Variants in COL24A1 observed in about 807,000 individuals in gnomAD.
The protein encoded by COL24A1 is collagen type XXIV alpha 1 chain, also known as collagen alpha-1(XXIV) chain.
In COL24A1, 224 loss-of-function variants were observed where a neutral mutation model predicts 253.9. The ratio of observed to expected loss-of-function variants is 0.88; its 90% CI spans 0.79 to 0.99. The LOEUF is 0.99. Ranked by LOEUF, COL24A1 falls within the 50% of genes least tolerant of loss-of-function variation. The pLI is 0.00. For missense variants in COL24A1, 2,131 were observed against 2,068.5 expected (o/e 1.03, Z -0.59); for synonymous variants, 685 against 673.7 (o/e 1.02, Z -0.26).
chr1:86,036,672 A>G (rs1004713257), intron 12 of COL24A1, among the ~76,000 whole-genome samples: 10 of 152,292 alleles, frequency 6.6e-5, no homozygotes, highest in African/African-American at 2.2e-4. Flanking sequence ...TTGCAGCCAC[A>G]TAGCTTCATT....
chr1:85,861,479 G>C lies in COL24A1; in HGVS notation c.3300+7040C>G, dbSNP rs186143869. On this transcript the variant is annotated intron_variant, in intron 37 of 59. Transcript: ENST00000370571. ...TTTTAATGAAGTCCAATTTATCTTA[G>C]AAGACGTACTCCCATGTTTTCTTCT... Among the ~76,000 whole-genome samples the C allele has an allele frequency of 6.9e-4, 105 of 152,166 alleles. 2 individuals are homozygous for C. Among genetic ancestry groups the C allele is most frequent in the African/African-American group, 2.4e-3 (101 of 41,530 alleles).
chr1:86,034,474 G>T (rs1698845683), intron 12 of COL24A1, among the ~76,000 whole-genome samples: 1 of 151,988 alleles, frequency 6.6e-6, no homozygotes, highest in Non-Finnish European at 1.5e-5. Flanking sequence ...CTTGCTCAAG[G>T]TTAGACCATT....
At chr1:86,035,270 C>G (rs7552516) in intron 12 of COL24A1, among the ~76,000 whole-genome samples, 140,646 of 152,244 alleles carry the variant, frequency 0.92, 65,120 homozygotes, top group East Asian at 1. Flanking sequence ...GTCAAATTTT[C>G]TTGTCAACAA....
At chr1:85,976,662 C>T (rs1571441441) in intron 20 of COL24A1, among the ~76,000 whole-genome samples, 1 of 152,222 alleles carries the variant, frequency 6.6e-6, no homozygotes. Flanking sequence ...TTATATCCCC[C>T]TTCCACTACT....
intron 19 of COL24A1, among the ~76,000 whole-genome samples, chr1:86,003,540 A>G (rs920249733): frequency 3.9e-5 from 6 of 152,134 alleles, no homozygotes; most frequent in Admixed American, 6.5e-5. Context: ...AGCTTGATTT[A>G]TGGTTGGGTC....
At chr1:85,896,452 CTT>C in intron 28 of COL24A1, 43 bp from the exon 29 acceptor site, 1 of 1,486,126 alleles carries the variant, frequency 6.7e-7, no homozygotes, top group South Asian at 1.2e-5. Context: ...TGAAATGTTC[CTT>C]TTTTTTTCTT....
intron 7 of COL24A1, 22 bp from the exon 8 acceptor site, chr1:86,063,781 C>T (rs1224366280): frequency 6.6e-7 from 1 of 1,505,688 alleles, no homozygotes; most frequent in Non-Finnish European, 8.9e-7. Context: ...TAAGTGGAGA[C>T]ATGCTATGAA....
At chr1:85,854,762 T>C (rs1308202711) in intron 37 of COL24A1, among the ~76,000 whole-genome samples, 3 of 151,864 alleles carry the variant, frequency 2.0e-5, no homozygotes, top group Non-Finnish European at 1.5e-5. Flanking sequence ...TGGAGTGTAG[T>C]GGTGTGATCA....
At position 86,125,585 on chromosome 1, in the gene COL24A1, C is replaced by G; in HGVS notation, c.751G>C (p.Glu251Gln). ...AGAGTTGTACAAGGAATGCTTGTTT[C>G]AGGTTGGTATTTGTCTGCTTGGCGA... ...QCRQADKYQP[E>Q]TSIPCTTLIP... Residue 251 changes from glutamate to glutamine, a missense_variant, in exon 3 of 60, where the codon GAA (glutamate) becomes CAA (glutamine). Transcript: ENST00000370571. The G allele has an allele frequency of 6.2e-7, 1 of 1,613,458 alleles. No individual in the cohort carries two copies. The highest frequency in any genetic ancestry group is 8.5e-7 in the Non-Finnish European group (1 of 1,179,750).
In COL24A1 at chr1:86,115,308, A is replaced by G; in HGVS notation, c.1545+17T>C. 6.2e-7 allele frequency: 1 copy of G among 1,612,678 alleles called. No homozygotes were observed. The stretch of plus-strand genomic sequence containing the variant: ...CAAATTCTCACTGCCAGCAGGAAAT[A>G]TAGCCCATCTACTTACCCGTGGACC... On this transcript the variant is annotated intron_variant, in intron 4 of 59. Coordinates refer to ENST00000370571, the MANE Select transcript of COL24A1 (RefSeq NM_152890.7).
At chr1:86,070,510 T>C (rs1473121670) in intron 7 of COL24A1, among the ~76,000 whole-genome samples, 1 of 152,120 alleles carries the variant, frequency 6.6e-6, no homozygotes, top group Non-Finnish European at 1.5e-5. Flanking sequence ...AGATTTAACC[T>C]AAAAAGACTA....
chr1:85,908,642 C>A lies in COL24A1; in HGVS notation c.2680G>T (p.Gly894Cys). The change falls in exon 27 of 60, where the codon GGT becomes TGT. Residue 894 changes from glycine (G) to cysteine (C), a missense_variant. By Grantham distance (159) the Gly-to-Cys change is radical. Transcript: ENST00000370571. ...QGEKGVMGYPGPPGVPGPIGP... is the reference protein window; with the variant it reads ...QGEKGVMGYPCPPGVPGPIGP... ...ATAGGTCCTGGAACCCCAGGAGGAC[C>A]TGGATATCCCTATAATTTAAGGAAA... 2 of 1,413,834 alleles carry A rather than the reference C, an allele frequency of 1.4e-6. No homozygotes were observed. Among genetic ancestry groups the A allele is most frequent in the South Asian group, 1.6e-5 (1 of 62,338 alleles). The allele number at this position is 1,413,834 out of a possible 1,614,324, so 87.6% of individuals were successfully genotyped here.
At chr1:85,971,484 T>C in intron 20 of COL24A1, 91 bp from the exon 21 acceptor site, 1 of 1,048,116 alleles carries the variant, frequency 9.5e-7, no homozygotes, top group Non-Finnish European at 1.4e-6. Flanking sequence ...GACAATACTC[T>C]TTGAAACCAT....
intron 24 of COL24A1, among the ~76,000 whole-genome samples, chr1:85,918,228 C>G (rs546531244): frequency 6.6e-6 from 1 of 151,110 alleles, no homozygotes; most frequent in African/African-American, 2.4e-5. Flanking sequence ...TTTTCTATTG[C>G]TGTTAACTTT....
intron 52 of COL24A1, among the ~76,000 whole-genome samples, chr1:85,778,515 A>G (rs562333148): frequency 1.3e-5 from 2 of 152,286 alleles, no homozygotes; most frequent in South Asian, 4.1e-4. Context: ...AAAATGAAAA[A>G]AAAATTTCAA....
intron 39 of COL24A1, among the ~76,000 whole-genome samples, chr1:85,842,745 G>C (rs893542392): frequency 6.6e-6 from 1 of 152,116 alleles, no homozygotes; most frequent in African/African-American, 2.4e-5. Context: ...CTGAATATTA[G>C]AGAGTGCAAC....
At chr1:85,963,800 G>A (rs536490798) in intron 23 of COL24A1, among the ~76,000 whole-genome samples, 5 of 152,206 alleles carry the variant, frequency 3.3e-5, no homozygotes, top group East Asian at 1.9e-4. Context: ...ATGAGATTCC[G>A]TTTCTTGCCA....
At chr1:85,956,648 T>G (rs2100633441) in intron 24 of COL24A1, among the ~76,000 whole-genome samples, 1 of 152,320 alleles carries the variant, frequency 6.6e-6, no homozygotes, top group South Asian at 2.1e-4. Context: ...GGCAGAAATG[T>G]GGCAACTGAA....
intron 51 of COL24A1, among the ~76,000 whole-genome samples, chr1:85,781,577 T>C (rs553004147): frequency 6.6e-6 from 1 of 152,264 alleles, no homozygotes; most frequent in South Asian, 2.1e-4. Flanking sequence ...GTATGTTATA[T>C]AACAAATAAA....
Sources: gnomAD v4.1 joint callset for allele counts (sites outside exome capture counted in the v4.1 genomes callset) on GRCh38, gnomAD v4.1.1 for gene constraint, MANE v1.5 for transcripts, NCBI Gene and HGNC (gene_info 2026-07-23, HGNC 2026-07-21) for gene names.